The following TDRD10 variants were observed in gnomAD, a reference collection of about 807,000 sequenced individuals.
The protein encoded by TDRD10 is tudor domain containing 10, also known as tudor domain-containing protein 10.
In TDRD10, 40 loss-of-function variants were observed where a neutral mutation model predicts 48.0. The observed-to-expected ratio is 0.83, with a 90% CI of 0.65 to 1.09. The LOEUF is 1.09. TDRD10 is among the 50% of genes least tolerant of loss of function. The pLI, the probability that TDRD10 is intolerant of heterozygous loss-of-function variation, is 0.00. For synonymous variants in TDRD10, 162 were observed against 170.4 expected (o/e 0.95, Z 0.38); for missense variants, 378 against 434.7 (o/e 0.87, Z 1.16).
At chr1:154,545,070 C>A in intron 11 of TDRD10, 121 bp downstream of exon 11, 2 of 1,339,584 alleles carry the variant, frequency 1.5e-6, no homozygotes, top group Non-Finnish European at 2.0e-6. Flanking sequence ...TCTCTTTCCA[C>A]CCAACCCCAG....
chr1:154,531,334 A>C (rs1345365681), intron 6 of TDRD10, among the ~76,000 whole-genome samples: 1 of 152,088 alleles, frequency 6.6e-6, no homozygotes, highest in Non-Finnish European at 1.5e-5. Context: ...TCTTGGTCTC[A>C]CTGACTTCAA....
intron 6 of TDRD10, among the ~76,000 whole-genome samples, chr1:154,532,212 G>A (rs545248801): frequency 6.6e-6 from 1 of 152,204 alleles, no homozygotes; most frequent in Non-Finnish European, 1.5e-5. Flanking sequence ...CAGGCATGGC[G>A]GGCTGCAGGT....
chr1:154,514,836 C>T (rs1215360598), intron 4 of TDRD10, among the ~76,000 whole-genome samples: 1 of 149,066 alleles, frequency 6.7e-6, no homozygotes, highest in Non-Finnish European at 1.5e-5. Flanking sequence ...CACAGGAACA[C>T]ATCACCATAC....
intron 4 of TDRD10, among the ~76,000 whole-genome samples, chr1:154,513,286 A>G (rs1330890717): frequency 6.6e-6 from 1 of 152,250 alleles, no homozygotes. Flanking sequence ...ATAATGGTTC[A>G]TTAACATAAA....
At chr1:154,523,809 A>G (rs1221121833) in intron 6 of TDRD10, among the ~76,000 whole-genome samples, 1 of 152,034 alleles carries the variant, frequency 6.6e-6, no homozygotes, top group Non-Finnish European at 1.5e-5. Flanking sequence ...CATTCACACA[A>G]CCTTGCTAAC....
intron 6 of TDRD10, among the ~76,000 whole-genome samples, chr1:154,525,126 A>G (rs1260148285): frequency 6.6e-5 from 10 of 152,304 alleles, no homozygotes; most frequent in East Asian, 3.9e-4. Flanking sequence ...GCCCTCTGCC[A>G]TTCACTCTCA....
intron 10 of TDRD10, 91 bp from the exon 11 acceptor site, chr1:154,544,704 A>T (rs1257227652): frequency 6.5e-7 from 1 of 1,534,272 alleles, no homozygotes; most frequent in South Asian, 1.3e-5. Context: ...CCTCCCTCCT[A>T]CCTCCACTTT....
chr1:154,547,439 G>GA lies in TDRD10; in HGVS notation c.985dup (p.Ile329AsnfsTer20). 1 of 1,614,158 alleles carries GA rather than the reference G, an allele frequency of 6.2e-7. No individual in the cohort carries two copies. Among genetic ancestry groups the GA allele is most frequent in the Non-Finnish European group, 8.5e-7 (1 of 1,180,030 alleles). Reference sequence around the variant, plus strand: ...TTGAGTTCGTATGAGGTTGTCCATCGAATCCTCAAAGGGAAAATCACTGGT... The same window carrying GA: ...TTGAGTTCGTATGAGGTTGTCCATCGAAATCCTCAAAGGGAAAATCACTGGT... On this transcript the variant is annotated frameshift_variant, in exon 12 of 13. Coordinates refer to ENST00000368482, the MANE Select transcript of TDRD10 (RefSeq NM_182499.4). LOFTEE classifies it low-confidence loss of function (END_TRUNC).
chr1:154,520,244 T>C (rs913509090), intron 4 of TDRD10, 60 bp from the exon 5 acceptor site: 2 of 1,262,978 alleles, frequency 1.6e-6, no homozygotes, highest in Admixed American at 1.7e-5. Flanking sequence ...ATCTGAAACC[T>C]TGAGAAGTGG....
rs376437725 is a variant in TDRD10, at chr1:154,547,371, G to A, written c.953-38G>A. On this transcript the variant is annotated intron_variant, in intron 11 of 12. Coordinates refer to ENST00000368482, the MANE Select transcript of TDRD10 (RefSeq NM_182499.4). ...TCCTTTGCTCCTCCTGCCCAACCCC[G>A]TGCCACTGAGGTTTTGTTGTTGTGT... 4.5e-5 allele frequency: 73 copies of A among 1,612,882 alleles called. 3 individuals are homozygous for A. The highest frequency in any genetic ancestry group is 3.6e-4 in the South Asian group (33 of 91,018).
chr1:154,521,463 A>C lies in TDRD10; in HGVS notation c.353A>C (p.Gln118Pro). 6.2e-7 allele frequency: 1 copy of C among 1,613,972 alleles called. No homozygotes were observed. The highest frequency in any genetic ancestry group is 8.5e-7 in the Non-Finnish European group (1 of 1,180,030). ...AAGAGGACCCCTGATATGATCCAGC[A>C]GCCTCGGGCCCCGCTGGTATGTCTT... ...PPKRTPDMIQ[Q>P]PRAPLVLEKA... Residue 118 changes from glutamine (Q) to proline (P), a missense_variant, in exon 6 of 13, where the codon CAG becomes CCG. Gln to Pro is a moderately conservative substitution (Grantham distance 76). Around this residue, in one of 2 missense-constraint regions of TDRD10, gnomAD observed 310 missense variants for 323.6 expected, o/e 0.96. Transcript: ENST00000368482.
intron 4 of TDRD10, among the ~76,000 whole-genome samples, chr1:154,513,977 G>T (rs906143243): frequency 6.6e-6 from 1 of 152,124 alleles, no homozygotes; most frequent in African/African-American, 2.4e-5. Flanking sequence ...ATCACCTGAG[G>T]TCAGGAGTTT....
chr1:154,544,485 C>A lies in TDRD10; in HGVS notation c.765C>A (p.Tyr255Ter). The change falls in exon 10 of 13, where the codon TAC becomes TAA. Residue 255 changes from tyrosine to a stop codon, truncating the protein, a stop_gained. Transcript: ENST00000368482. LOFTEE classifies it high-confidence loss of function. ...GCGGGACTCGCTGTCTGGCAGAGTA[C>A]CACCTGGGGGATTATGGACACGCCT... ...VMRGTRCLAE[Y>*]HLGDYGHAWN... The A allele has an allele frequency of 6.2e-7, 1 of 1,613,856 alleles. No homozygotes were observed. Among genetic ancestry groups the A allele is most frequent in the Non-Finnish European group, 8.5e-7 (1 of 1,179,978 alleles).
At chr1:154,535,817 C>T (rs1694890767) in intron 6 of TDRD10, among the ~76,000 whole-genome samples, 1 of 152,184 alleles carries the variant, frequency 6.6e-6, no homozygotes, top group Admixed American at 6.5e-5. Flanking sequence ...AAGACGGGAT[C>T]TGGTATCCAA....
intron 6 of TDRD10, among the ~76,000 whole-genome samples, chr1:154,527,870 T>C (rs1340367430): frequency 6.6e-6 from 1 of 152,236 alleles, no homozygotes; most frequent in Non-Finnish European, 1.5e-5. Flanking sequence ...ACACTTTTTA[T>C]TTTGAGATTA....
intron 6 of TDRD10, among the ~76,000 whole-genome samples, chr1:154,525,561 G>C (rs1694268424): frequency 6.6e-6 from 1 of 152,252 alleles, no homozygotes; most frequent in South Asian, 2.1e-4. Flanking sequence ...AGAGTTGATT[G>C]AAGAAGTAGG....
intron 4 of TDRD10, among the ~76,000 whole-genome samples, chr1:154,511,740 C>T (rs1363095161): frequency 3.9e-5 from 6 of 151,950 alleles, no homozygotes; most frequent in African/African-American, 9.7e-5. Flanking sequence ...CCCAGCTACT[C>T]GAGAGGCTGA....
Position 154,544,001 on chromosome 1 carries a change from G to C in TDRD10, c.542G>C (p.Arg181Pro), listed in dbSNP as rs12750774. ...FLVLLLRECF[R>P]DLSWLALIHS... ...GTGCTGCTCCTGAGGGAATGCTTCC[G>C]AGACCTGAGCTGGCTGGCACTCATC... The change falls in exon 9 of 13, where the codon CGA becomes CCA. Residue 181 changes from arginine (R) to proline (P), a missense_variant. Physicochemically the swap from Arg to Pro is moderately radical, Grantham distance 103 (BLOSUM62 -2). Coordinates refer to ENST00000368482, the MANE Select transcript of TDRD10 (RefSeq NM_182499.4). The C allele has an allele frequency of 6.2e-7, 1 of 1,613,978 alleles. No homozygotes were observed. Among genetic ancestry groups the C allele is most frequent in the South Asian group, 1.1e-5 (1 of 91,084 alleles).
chr1:154,533,970 G>A (rs946222160), intron 6 of TDRD10, among the ~76,000 whole-genome samples: 1 of 151,738 alleles, frequency 6.6e-6, no homozygotes, highest in African/African-American at 2.4e-5. Flanking sequence ...CTCCTGGCAA[G>A]CAATCCTCGT....
Sources: allele counts gnomAD v4.1 joint callset (sites outside exome capture counted in the v4.1 genomes callset), GRCh38; gene constraint gnomAD v4.1.1; regional missense constraint gnomAD v4.1.1; transcripts MANE v1.5; gene names NCBI Gene and HGNC (gene_info 2026-07-23, HGNC 2026-07-21).